The following STXBP5L variants were observed in gnomAD, a reference collection of about 807,000 sequenced individuals.
STXBP5L encodes syntaxin binding protein 5L.
A neutral mutation model predicts 144.5 loss-of-function variants in STXBP5L; 65 were observed. The observed-to-expected ratio is 0.45, with a 90% confidence interval of 0.37 to 0.55. The LOEUF is 0.55. Among genes scored for constraint, STXBP5L ranks in the 20% least tolerant of loss-of-function variants. The probability of loss-of-function intolerance (pLI) is 0.00; values close to 1 mark genes in which losing one functional copy is unlikely to be tolerated. For missense variants in STXBP5L, 1,298 were observed against 1,405.5 expected, an observed-to-expected ratio of 0.92 and a Z score of 1.22; for synonymous variants, 505 against 469.6, an observed-to-expected ratio of 1.08 and a Z score of -0.97.
At chr3:121,111,149 A>G (rs975953697) in intron 5 of STXBP5L, among the ~76,000 whole-genome samples, 1 of 152,100 alleles carries the variant, frequency 6.6e-6, no homozygotes, top group Non-Finnish European at 1.5e-5. Context: ...ATGTTTTATC[A>G]TGGTTATTAG....
At chr3:120,946,916 G>A (rs1185882295) in intron 2 of STXBP5L, among the ~76,000 whole-genome samples, 1 of 151,724 alleles carries the variant, frequency 6.6e-6, no homozygotes, top group Non-Finnish European at 1.5e-5. Context: ...ACAGGTTTAT[G>A]TATTTCATCC....
chr3:121,163,992 G>T (rs2046412191), intron 9 of STXBP5L, among the ~76,000 whole-genome samples: 1 of 151,996 alleles, frequency 6.6e-6, no homozygotes, highest in South Asian at 2.1e-4. Flanking sequence ...AAGCTTCAAT[G>T]ATTTTTTAAT....
intron 21 of STXBP5L, among the ~76,000 whole-genome samples, chr3:121,380,579 C>T (rs947056636): frequency 6.6e-6 from 1 of 151,822 alleles, no homozygotes; most frequent in Non-Finnish European, 1.5e-5. Context: ...GAGAGGAGAA[C>T]CTGAAACCAT....
intron 9 of STXBP5L, among the ~76,000 whole-genome samples, chr3:121,200,382 C>A (rs2048092186): frequency 6.6e-6 from 1 of 151,936 alleles, no homozygotes; most frequent in Non-Finnish European, 1.5e-5. Flanking sequence ...TTTTCTTCTT[C>A]ATTAGTCTAG....
chr3:121,292,477 A>G (rs2051478101), intron 19 of STXBP5L, among the ~76,000 whole-genome samples: 1 of 152,204 alleles, frequency 6.6e-6, no homozygotes, highest in African/African-American at 2.4e-5. Flanking sequence ...GGAAAACAGT[A>G]TGAAGATTCC....
intron 3 of STXBP5L, among the ~76,000 whole-genome samples, chr3:120,985,105 T>G (rs1023083437): frequency 6.6e-6 from 1 of 152,106 alleles, no homozygotes; most frequent in African/African-American, 2.4e-5. Flanking sequence ...ATAAGGGATA[T>G]TGTTTTGTAG....
At chr3:121,248,850 A>C (rs1031778777) in intron 14 of STXBP5L, among the ~76,000 whole-genome samples, 8 of 151,982 alleles carry the variant, frequency 5.3e-5, no homozygotes, top group Non-Finnish European at 7.4e-5. Context: ...TCTAGTTTTC[A>C]CTCTTTTGCA....
chr3:121,103,580 T>G (rs2043543103), intron 5 of STXBP5L, among the ~76,000 whole-genome samples: 1 of 152,096 alleles, frequency 6.6e-6, no homozygotes, highest in Non-Finnish European at 1.5e-5. Context: ...TGTGCTTACC[T>G]CAGCATCACT....
At chr3:121,162,972 G>A (rs533220122) in intron 9 of STXBP5L, among the ~76,000 whole-genome samples, 286 of 152,288 alleles carry the variant, frequency 1.9e-3, no homozygotes, top group Non-Finnish European at 3.1e-3. Flanking sequence ...CACTGTTGGT[G>A]GGAGTGTAAA....
chr3:120,959,868 C>A (rs1938548191), intron 3 of STXBP5L, among the ~76,000 whole-genome samples: 1 of 152,104 alleles, frequency 6.6e-6, no homozygotes, highest in Non-Finnish European at 1.5e-5. Flanking sequence ...GACTAAAACA[C>A]CAAAAGCAAT....
At chr3:121,112,438 T>A (rs1296444160) in intron 5 of STXBP5L, among the ~76,000 whole-genome samples, 1 of 152,150 alleles carries the variant, frequency 6.6e-6, no homozygotes, top group Non-Finnish European at 1.5e-5. Flanking sequence ...TGCTCCACTC[T>A]GCTTTTGCTG....
In STXBP5L at chr3:121,222,993, T is replaced by C; in HGVS notation, c.957-10T>C. ...ACTTCTGAGTCTCATTCATGTTTTT[T>C]CCTATGTAGCGAACCATTCATAATA... On this transcript the variant is annotated splice_polypyrimidine_tract_variant and intron_variant, in intron 10 of 26. Coordinates refer to ENST00000471454, the MANE Select transcript of STXBP5L (RefSeq NM_001308330.2). The C allele has an allele frequency of 6.3e-7, 1 of 1,588,118 alleles. No homozygotes were observed. The highest frequency in any genetic ancestry group is 8.5e-7 in the Non-Finnish European group (1 of 1,171,292).
At chr3:121,310,863 C>A (rs554347984) in intron 19 of STXBP5L, among the ~76,000 whole-genome samples, 2 of 151,934 alleles carry the variant, frequency 1.3e-5, no homozygotes, top group Middle Eastern at 3.4e-3. Context: ...GAGCCAAGAT[C>A]GCACCACTGC....
intron 5 of STXBP5L, among the ~76,000 whole-genome samples, chr3:121,095,815 T>C (rs1293950484): frequency 6.6e-6 from 1 of 152,198 alleles, no homozygotes; most frequent in Non-Finnish European, 1.5e-5. Flanking sequence ...CCAGCTTTGT[T>C]CTGTTGCTGG....
intron 3 of STXBP5L, among the ~76,000 whole-genome samples, chr3:121,010,779 AAG>A (rs747898960): frequency 1.3e-5 from 2 of 151,890 alleles, no homozygotes; most frequent in Non-Finnish European, 2.9e-5. Context: ...AATCATAAGA[AAG>A]AGAAAATATA....
chr3:121,055,720 A>G (rs765320801), intron 5 of STXBP5L, among the ~76,000 whole-genome samples: 11 of 151,280 alleles, frequency 7.3e-5, no homozygotes, highest in Non-Finnish European at 1.5e-4. Context: ...GCTTTTTTTG[A>G]GACAGGGTCT....
At chr3:121,204,680 A>G (rs9850714) in intron 9 of STXBP5L, among the ~76,000 whole-genome samples, 15,097 of 152,226 alleles carry the variant, frequency 0.099, 1,179 homozygotes, top group Admixed American at 0.2. Context: ...GTATCTATGT[A>G]ATAGATAAAC....
chr3:120,915,669 C>G (rs114475489), intron 2 of STXBP5L, among the ~76,000 whole-genome samples: 2,481 of 152,034 alleles, frequency 0.016, 63 homozygotes, highest in African/African-American at 0.056. Context: ...GCACAATATA[C>G]TAGCGTTTTT....
At chr3:121,230,971 A>T (rs188417659) in intron 11 of STXBP5L, among the ~76,000 whole-genome samples, 1 of 152,172 alleles carries the variant, frequency 6.6e-6, no homozygotes, top group East Asian at 1.9e-4. Context: ...TCTTTTCTAC[A>T]TTAGATTACC....
Sources: allele counts gnomAD v4.1 joint callset (sites outside exome capture counted in the v4.1 genomes callset), GRCh38; gene constraint gnomAD v4.1.1; transcripts MANE v1.5; gene names NCBI Gene and HGNC (gene_info 2026-07-23, HGNC 2026-07-21).